Variants in GATA5 observed in about 807,000 individuals in gnomAD.
GATA5 encodes the protein transcription factor GATA-5.
Under a neutral mutation model 35.0 loss-of-function variants are expected in GATA5, and 27 were observed. The ratio of observed to expected loss-of-function variants is 0.77; its 90% CI spans 0.57 to 1.06. The LOEUF (loss-of-function observed/expected upper bound fraction) is 1.06, where lower values mean the gene tolerates loss of function less well. Ranked by LOEUF, GATA5 falls within the 50% of genes least tolerant of loss-of-function variation. The pLI is 0.00. For synonymous variants in GATA5, 306 were observed against 267.8 expected (o/e 1.14, Z -1.39); for missense variants, 612 against 580.0 (o/e 1.06, Z -0.57).
chr20:62,466,186 C>G (rs1174074442), intron 4 of GATA5, among the ~76,000 whole-genome samples: 1 of 152,246 alleles, frequency 6.6e-6, no homozygotes, highest in African/African-American at 2.4e-5. Context: ...TTGTCTGGCC[C>G]AGGCCGAATG....
In GATA5 at chr20:62,470,330, C is replaced by T. The variant is rs1461846796; in HGVS notation, c.699+3073G>A. 2.0e-5 allele frequency among the ~76,000 whole-genome samples: 3 copies of T among 152,194 alleles called. No homozygotes were observed. The highest frequency in any genetic ancestry group is 7.2e-5 in the African/African-American group (3 of 41,448). ...ACAGTGACCCGCAGTGCAGCAGCCT[C>T]CTCTGAGATGGAAGACTGGGCCGTG... On this transcript the variant is annotated intron_variant, in intron 3 of 6. Transcript: ENST00000252997. This position sits in a 1 kb window ranked among gnomAD's most constrained non-coding sequence, Gnocchi z 4.6.
intron 3 of GATA5, among the ~76,000 whole-genome samples, chr20:62,471,134 T>G (rs1333033408): frequency 1.3e-5 from 2 of 152,120 alleles, no homozygotes; most frequent in Non-Finnish European, 2.9e-5. Context: ...GGGATCCAAC[T>G]GGACACAGGT....
In GATA5 at chr20:62,465,855, C is replaced by T. The variant is rs782625539; in HGVS notation, c.892G>A (p.Ala298Thr). 8.8e-6 allele frequency: 14 copies of T among 1,593,560 alleles called. No homozygotes were observed. Among genetic ancestry groups the T allele is most frequent in the Middle Eastern group, 1.7e-4 (1 of 6,034 alleles). Residue 298 changes from alanine (A) to threonine (T), a missense_variant, in exon 5 of 7, where the codon GCC (alanine) becomes ACC (threonine). Transcript: ENST00000252997. ...QTRKRKPKTI[A>T]KARGSSGSTR... ...GCACCTGAGGAGCCCCTGGCCTTGGCGATGGTCTTTGGCTTCCGCTTCCGT... is the reference window on the plus strand; with the variant it reads ...GCACCTGAGGAGCCCCTGGCCTTGGTGATGGTCTTTGGCTTCCGCTTCCGT...
chr20:62,471,615 G>A (rs1989725448), intron 3 of GATA5, among the ~76,000 whole-genome samples: 1 of 150,058 alleles, frequency 6.7e-6, no homozygotes, highest in African/African-American at 2.5e-5. Context: ...ATTTTTTGTA[G>A]AGACCTGGTC....
In GATA5 at chr20:62,470,388, A is replaced by G. The variant is rs1226940444; in HGVS notation, c.699+3015T>C. 1.2e-4 allele frequency among the ~76,000 whole-genome samples: 18 copies of G among 152,330 alleles called. No homozygotes were observed. Among genetic ancestry groups the G allele is most frequent in the Non-Finnish European group, 2.5e-4 (17 of 68,024 alleles). On this transcript the variant is annotated intron_variant, in intron 3 of 6. Transcript: ENST00000252997. The surrounding 1 kb of genome is among the most constrained non-coding windows in gnomAD (Gnocchi z 4.6). ...AGAGGCTGCTGTGCCGCAGAGTCTG[A>G]GCCTTGGGGACGGGTGAGTGGCTGG... is the stretch of plus-strand genomic sequence containing the variant.
Position 62,465,935 on chromosome 20 carries a change from C to T in GATA5, c.826-14G>A, listed in dbSNP as rs140408446. 9.6e-5 allele frequency: 150 copies of T among 1,566,490 alleles called. No homozygotes were observed. The highest frequency in any genetic ancestry group is 3.8e-4 in the Middle Eastern group (2 of 5,234). On this transcript the variant is annotated splice_polypyrimidine_tract_variant and intron_variant, in intron 4 of 6. Transcript: ENST00000252997. ...AGGCCGCGGCACCTGGCAGGGGTGGCGAGGGTGGAGGCTGGTCCCATCCCT... is the reference window on the plus strand; with the variant it reads ...AGGCCGCGGCACCTGGCAGGGGTGGTGAGGGTGGAGGCTGGTCCCATCCCT...
At chr20:62,467,914 A>G (rs1246450603) in intron 3 of GATA5, among the ~76,000 whole-genome samples, 3 of 150,346 alleles carry the variant, frequency 2.0e-5, no homozygotes, top group Admixed American at 2.0e-4. Context: ...AGCCAGCCTC[A>G]GTTTTCCTGT....
intron 3 of GATA5, among the ~76,000 whole-genome samples, chr20:62,467,275 C>T (rs1375463342): frequency 3.3e-5 from 5 of 152,288 alleles, no homozygotes; most frequent in African/African-American, 1.2e-4. Flanking sequence ...CTGGGAGGCT[C>T]TGAGCTGGCT....
chr20:62,475,042 A>G lies in GATA5; in HGVS notation c.480T>C (p.Asp160=), dbSNP rs1989818511. ...CTGGGAGGCCGTGCAGGACGCTGCCATCGAAGGGCCCGGCAGTCCAGGACT... is the reference window on the plus strand; with the variant it reads ...CTGGGAGGCCGTGCAGGACGCTGCCGTCGAAGGGCCCGGCAGTCCAGGACT... ...VAQSWTAGPF[D]GSVLHGLPGR... The change falls in exon 2 of 7, where the codon GAT becomes GAC. Residue 160 remains aspartate, a synonymous_variant. Coordinates refer to ENST00000252997, the MANE Select transcript of GATA5 (RefSeq NM_080473.5). The G allele has an allele frequency of 2.8e-6, 4 of 1,405,392 alleles. No individual in the cohort carries two copies. In the Admixed American group the frequency reaches 9.2e-5, roughly 32 times the overall value. The allele number at this position is 1,405,392 out of a possible 1,614,324, so 87.1% of individuals were successfully genotyped here.
rs111252974 is a variant in GATA5 at position 62,475,359 on chromosome 20, G to T, written c.163C>A (p.Pro55Thr). ...CCGGGGCGCGCAGCGAGCTCGGGGG[G>T]CTGCGGGCTCGGCTCACACCCGGAC... is the stretch of plus-strand genomic sequence containing the variant. Reference protein sequence around the residue: ...YLSGCEPSPQPPELAARPGWA... With the variant: ...YLSGCEPSPQTPELAARPGWA... Residue 55 changes from proline to threonine, a missense_variant, in exon 2 of 7, where the codon CCC becomes ACC. Coordinates refer to ENST00000252997, the MANE Select transcript of GATA5 (RefSeq NM_080473.5). 3 of 1,263,780 alleles carry T rather than the reference G, an allele frequency of 2.4e-6. No individual in the cohort carries two copies. In the East Asian group the frequency reaches 9.4e-5, roughly 40 times the overall value. The allele number at this position is 1,263,780 out of a possible 1,614,324, so 78.3% of individuals were successfully genotyped here. A position where few individuals can be genotyped will look rare whatever the true frequency, so the allele number is the denominator to read the frequency against.
rs1216745509 is a variant in GATA5, at chr20:62,471,448, T to TTTTTTTTTTTTTTTTTTTTTTTTG, written c.699+1954_699+1955insCAAAAAAAAAAAAAAAAAAAAAAA. 6.3e-5 allele frequency among the ~76,000 whole-genome samples: 9 copies of TTTTTTTTTTTTTTTTTTTTTTTTG among 142,362 alleles called. 1 individual carries two copies. The highest frequency in any genetic ancestry group is 1.1e-4 in the Non-Finnish European group (7 of 64,852). The allele number at this position is 142,362 out of a possible 152,430, so 93.4% of individuals were successfully genotyped here. On this transcript the variant is annotated intron_variant, in intron 3 of 6. Transcript: ENST00000252997. ...TCAATTACAATTTTTTTTTTTTTTT[T>TTTTTTTTTTTTTTTTTTTTTTTTG]TGTGATGAGGTCTTGCTCTGTTGCC... is the stretch of plus-strand genomic sequence containing the variant.
intron 3 of GATA5, among the ~76,000 whole-genome samples, chr20:62,468,446 G>C (rs1555896292): frequency 6.6e-6 from 1 of 152,246 alleles, no homozygotes; most frequent in African/African-American, 2.4e-5. Flanking sequence ...GGGAGAGTGG[G>C]GGCCTCCCTG....
chr20:62,465,027 G>A, intron 6 of GATA5, 36 bp from the exon 7 acceptor site: 1 of 1,169,846 alleles, frequency 8.5e-7, no homozygotes, highest in Non-Finnish European at 1.2e-6. Flanking sequence ...TGTGGGGTGG[G>A]GCGTGGGGCG....
chr20:62,471,314 G>A (rs79431851), intron 3 of GATA5, among the ~76,000 whole-genome samples: 3,789 of 152,136 alleles, frequency 0.025, 165 homozygotes, highest in African/African-American at 0.086. Flanking sequence ...GTGAAGGGAG[G>A]TCTGGGCTGC....
At position 62,475,486 on chromosome 20, in the gene GATA5, G is replaced by A; in HGVS notation, c.36C>T (p.Arg12=). The A allele has an allele frequency of 7.6e-7, 1 of 1,321,716 alleles. No homozygotes were observed. Among genetic ancestry groups the A allele is most frequent in the South Asian group, 2.3e-5 (1 of 43,344 alleles). 81.9% of individuals were successfully genotyped at this position (1,321,716 alleles called of 1,614,324 possible). A position where few individuals can be genotyped will look rare whatever the true frequency, so the allele number is the denominator to read the frequency against. The change falls in exon 2 of 7, where the codon CGC becomes CGT. Residue 12 remains arginine (R), a synonymous_variant. Coordinates refer to ENST00000252997, the MANE Select transcript of GATA5 (RefSeq NM_080473.5). ...AGCCCGAGTCGGCGTAGGCGGCCTG[G>A]CGGGGGCTCGCGGCCAGCGCCAGGC... ...YQSLALAASP[R]QAAYADSGSF...
At chr20:62,467,049 A>C (rs1408253804) in intron 3 of GATA5, among the ~76,000 whole-genome samples, 1 of 152,176 alleles carries the variant, frequency 6.6e-6, no homozygotes, top group East Asian at 1.9e-4. Context: ...CCACCTGCCT[A>C]TGTCTCCCCA....
chr20:62,474,745 A>G (rs1386937573), intron 2 of GATA5, among the ~76,000 whole-genome samples: 1 of 152,268 alleles, frequency 6.6e-6, no homozygotes, highest in Non-Finnish European at 1.5e-5. Flanking sequence ...GAGGCTCCAC[A>G]TTGGCACAAT....
intron 2 of GATA5, 23 bp downstream of exon 2, chr20:62,474,976 G>A (rs1989816201): frequency 7.8e-7 from 1 of 1,286,038 alleles, no homozygotes; most frequent in Non-Finnish European, 9.9e-7. Context: ...TGGGCCCCGA[G>A]ACTGTGGAGC....
intron 6 of GATA5, 100 bp from the exon 7 acceptor site, chr20:62,465,091 A>G: frequency 9.3e-7 from 1 of 1,070,898 alleles, no homozygotes; most frequent in Non-Finnish European, 1.3e-6. Context: ...CATGACCGGT[A>G]TTTGCCCTTA....
Sources: gnomAD v4.1 joint callset for allele counts (sites outside exome capture counted in the v4.1 genomes callset) on GRCh38, gnomAD v4.1.1 for gene constraint, Gnocchi (gnomAD v3.1) non-coding constraint, MANE v1.5 for transcripts, NCBI Gene and HGNC (gene_info 2026-07-23, HGNC 2026-07-21) for gene names.